The following MTREX variants were observed in gnomAD, a reference collection of about 807,000 sequenced individuals.
MTREX encodes exosome RNA helicase MTR4.
MTREX carries 76 observed loss-of-function variants against 135.4 expected under a neutral mutation model. The observed-to-expected ratio is 0.56, with a 90% confidence interval of 0.47 to 0.68. The LOEUF (loss-of-function observed/expected upper bound fraction) is 0.68, where lower values mean the gene tolerates loss of function less well. Ranked by LOEUF, MTREX falls within the 30% of genes least tolerant of loss-of-function variation. MTREX has a pLI of 0.00. For synonymous variants in MTREX, 404 were observed against 401.6 expected, an observed-to-expected ratio of 1.01 and a Z score of -0.07; for missense variants, 920 against 1,262.1, an observed-to-expected ratio of 0.73 and a Z score of 4.11.
rs1175350109 is a variant in MTREX, at chr5:55,425,327, T to C, written c.*555T>C. 3 of 1,601,064 alleles carry C rather than the reference T, an allele frequency of 1.9e-6. No homozygotes were observed. In the South Asian group the frequency reaches 3.3e-5, roughly 18 times the overall value. The stretch of plus-strand genomic sequence containing the variant: ...TCTTTCTTTGAAGAAATCCGATACA[T>C]ATACAGCCTACAGTGCAAAATATTT... On this transcript the variant is annotated 3_prime_UTR_variant, in exon 27 of 27. Coordinates refer to ENST00000230640, the MANE Select transcript of MTREX (RefSeq NM_015360.5).
intron 22 of MTREX, among the ~76,000 whole-genome samples, chr5:55,409,729 A>G (rs988050609): frequency 3.3e-5 from 5 of 152,234 alleles, no homozygotes; most frequent in Non-Finnish European, 7.3e-5. Context: ...TGCAAGTGCA[A>G]GAAGAAACAG....
intron 2 of MTREX, among the ~76,000 whole-genome samples, chr5:55,322,838 G>A (rs753311673): frequency 7.9e-5 from 12 of 152,198 alleles, no homozygotes; most frequent in African/African-American, 1.2e-4. Context: ...ACATTAGAGC[G>A]AATTAGATTT....
intron 21 of MTREX, chr5:55,405,162 A>G (rs955196854): frequency 1.5e-5 from 4 of 258,384 alleles, no homozygotes; most frequent in East Asian, 7.0e-5. Context: ...AATTTTTCAA[A>G]TGGACATTTT....
At chr5:55,359,337 A>G (rs1199876358) in intron 15 of MTREX, among the ~76,000 whole-genome samples, 1 of 152,194 alleles carries the variant, frequency 6.6e-6, no homozygotes, top group Non-Finnish European at 1.5e-5. Flanking sequence ...AAGATAGGAA[A>G]CTTTAATTAA....
chr5:55,322,194 C>A, intron 1 of MTREX, 133 bp from the exon 2 acceptor site: 1 of 631,444 alleles, frequency 1.6e-6, no homozygotes, highest in Non-Finnish European at 2.5e-6. Context: ...CGGGCTTCAG[C>A]CAGTTGTTGT....
intron 25 of MTREX, among the ~76,000 whole-genome samples, chr5:55,418,618 A>G (rs542248891): frequency 1.3e-5 from 2 of 151,980 alleles, no homozygotes; most frequent in East Asian, 3.9e-4. Flanking sequence ...TAACATCTGC[A>G]TAATTTTTAT....
chr5:55,412,925 G>A (rs1363227118), intron 23 of MTREX, among the ~76,000 whole-genome samples: 1 of 152,074 alleles, frequency 6.6e-6, no homozygotes, highest in Non-Finnish European at 1.5e-5. Flanking sequence ...CAATAATATG[G>A]AATCTGGTTC....
Position 55,405,501 on chromosome 5 carries a change from G to T in MTREX, c.2558G>T (p.Cys853Phe). The T allele has an allele frequency of 6.2e-7, 1 of 1,613,992 alleles. No homozygotes were observed. Among genetic ancestry groups the T allele is most frequent in the South Asian group, 1.1e-5 (1 of 91,076 alleles). Residue 853 changes from cysteine to phenylalanine, a missense_variant, in exon 22 of 27, where the codon TGT (cysteine) becomes TTT (phenylalanine). By Grantham distance (205) the Cys-to-Phe change is radical. Around this residue, in one of 6 missense-constraint regions of MTREX, gnomAD observed 467 missense variants for 589.7 expected, o/e 0.79. Transcript: ENST00000230640. ...RTVLQMDELK[C>F]RKRVLRRLGF... is the part of the protein sequence containing the mutation. ...GTCCTACAAATGGATGAACTCAAAT[G>T]TCGCAAACGTGTTTTAAGAAGGTTG...
At chr5:55,392,541 TAAAAAAAAAA>T (rs34486683) in intron 19 of MTREX, among the ~76,000 whole-genome samples, 1 of 114,542 alleles carries the variant, frequency 8.7e-6, no homozygotes, top group African/African-American at 3.4e-5. Context: ...GGGCTCTGTC[TAAAAAAAAAA>T]AAAAAAAAAA....
chr5:55,366,917 G>C (rs937246095), intron 16 of MTREX, 42 bp downstream of exon 16: 4 of 1,448,952 alleles, frequency 2.8e-6, no homozygotes, highest in Non-Finnish European at 3.7e-6. Flanking sequence ...GTAGCTAGGA[G>C]ACTGACTAGC....
intron 11 of MTREX, among the ~76,000 whole-genome samples, chr5:55,348,160 A>G (rs1383389454): frequency 1.3e-5 from 2 of 152,200 alleles, no homozygotes; most frequent in East Asian, 3.8e-4. Context: ...TGAGGGACCC[A>G]GCACATCTAG....
chr5:55,392,823 C>A (rs1289226754), intron 19 of MTREX, among the ~76,000 whole-genome samples: 1 of 152,154 alleles, frequency 6.6e-6, no homozygotes, highest in African/African-American at 2.4e-5. Context: ...TCCTTTTAAG[C>A]TTTCTGGTTA....
chr5:55,388,637 C>T (rs1039815098), intron 19 of MTREX, among the ~76,000 whole-genome samples: 2 of 152,170 alleles, frequency 1.3e-5, no homozygotes, highest in African/African-American at 4.8e-5. Flanking sequence ...TTAAGGTAAA[C>T]TACACCAAGT....
intron 13 of MTREX, among the ~76,000 whole-genome samples, chr5:55,352,038 TTTG>T (rs779278837): frequency 3.3e-5 from 5 of 151,712 alleles, no homozygotes; most frequent in African/African-American, 7.3e-5. Context: ...TTTGTTTTGT[TTTG>T]TTTTGTTTTT....
chr5:55,400,862 A>G (rs1248232147), intron 21 of MTREX, among the ~76,000 whole-genome samples: 1 of 152,050 alleles, frequency 6.6e-6, no homozygotes. Context: ...AAATCTTTCT[A>G]TCTGTATGGT....
chr5:55,412,520 A>T (rs1024260736), intron 23 of MTREX, among the ~76,000 whole-genome samples: 1 of 152,232 alleles, frequency 6.6e-6, no homozygotes, highest in Non-Finnish European at 1.5e-5. Context: ...GTACACATAC[A>T]TTCTGTCAAA....
intron 10 of MTREX, among the ~76,000 whole-genome samples, chr5:55,346,660 T>G (rs982075938): frequency 2.0e-5 from 3 of 152,180 alleles, no homozygotes; most frequent in Non-Finnish European, 4.4e-5. Context: ...GTATGTTTTT[T>G]TATTGTTGTT....
intron 1 of MTREX, among the ~76,000 whole-genome samples, chr5:55,317,484 C>G (rs1749218020): frequency 6.6e-6 from 1 of 152,180 alleles, no homozygotes; most frequent in East Asian, 1.9e-4. Flanking sequence ...CGCACATCTA[C>G]AACCATCTGA....
chr5:55,405,489 A>T lies in MTREX; in HGVS notation c.2546A>T (p.Asp849Val). ...LKKARTVLQM[D>V]ELKCRKRVLR... ...AAAGCAAGAACAGTCCTACAAATGG[A>T]TGAACTCAAATGTCGCAAACGTGTT... The change falls in exon 22 of 27, where the codon GAT (aspartate) becomes GTT (valine). Residue 849 changes from aspartate (D) to valine (V), a missense_variant. Physicochemically the swap from Asp to Val is radical, Grantham distance 152. Transcript: ENST00000230640. 1.2e-6 allele frequency: 2 copies of T among 1,613,990 alleles called. No homozygotes were observed. Among genetic ancestry groups the T allele is most frequent in the Non-Finnish European group, 1.7e-6 (2 of 1,179,882 alleles).
Sources: gnomAD v4.1 joint callset for allele counts (sites outside exome capture counted in the v4.1 genomes callset) on GRCh38, gnomAD v4.1.1 for gene constraint, gnomAD v4.1.1 regional missense constraint, MANE v1.5 for transcripts, NCBI Gene and HGNC (gene_info 2026-07-23, HGNC 2026-07-21) for gene names.